Variants in TRDN observed in about 807,000 individuals in gnomAD.
TRDN encodes the protein triadin.
Under a neutral mutation model 149.7 loss-of-function variants are expected in TRDN, and 161 were observed. The observed-to-expected ratio is 1.08, with a 90% CI of 0.95 to 1.23. The LOEUF is 1.23. Ranked by LOEUF, TRDN falls within the 50% of genes most tolerant of loss-of-function variation. The pLI is 0.00. For synonymous variants in TRDN, 294 were observed against 250.5 expected (o/e 1.17, Z -1.64); for missense variants, 896 against 823.5 (o/e 1.09, Z -1.08).
At chr6:123,391,972 G>A (rs1772495283) in intron 13 of TRDN, among the ~76,000 whole-genome samples, 1 of 152,152 alleles carries the variant, frequency 6.6e-6, no homozygotes, top group East Asian at 1.9e-4. Flanking sequence ...ATCTATGGAG[G>A]ATTTGCAAAG....
At chr6:123,225,868 T>A (rs1224835183) in intron 38 of TRDN, among the ~76,000 whole-genome samples, 1 of 151,754 alleles carries the variant, frequency 6.6e-6, no homozygotes, top group Non-Finnish European at 1.5e-5. Flanking sequence ...TAATGCAATA[T>A]AACGGAATGA....
chr6:123,593,824 C>A, intron 1 of TRDN, among the ~76,000 whole-genome samples: 1 of 152,122 alleles, frequency 6.6e-6, no homozygotes, highest in East Asian at 1.9e-4. Flanking sequence ...CAACCTATGA[C>A]AAATGTTATA....
chr6:123,606,642 A>G (rs1784541409), intron 1 of TRDN, among the ~76,000 whole-genome samples: 1 of 152,152 alleles, frequency 6.6e-6, no homozygotes, highest in Admixed American at 6.6e-5. Flanking sequence ...TTCCTGATAT[A>G]TAAATGTGTC....
intron 1 of TRDN, among the ~76,000 whole-genome samples, chr6:123,610,891 A>C (rs1784774580): frequency 6.6e-6 from 1 of 152,212 alleles, no homozygotes; most frequent in African/African-American, 2.4e-5. Flanking sequence ...CAGATCCTAA[A>C]AATGTGCCAC....
chr6:123,530,407 A>G (rs1423630311), intron 5 of TRDN, 99 bp downstream of exon 5: 3 of 693,082 alleles, frequency 4.3e-6, no homozygotes, highest in African/African-American at 1.8e-5. Context: ...TTTAATATCA[A>G]AAATGTTACA....
At chr6:123,328,366 A>T (rs1438903578) in intron 23 of TRDN, among the ~76,000 whole-genome samples, 1 of 151,976 alleles carries the variant, frequency 6.6e-6, no homozygotes, top group East Asian at 1.9e-4. Flanking sequence ...ATGACCACAC[A>T]CCCCCAACCA....
At chr6:123,507,336 G>A (rs990229880) in intron 7 of TRDN, among the ~76,000 whole-genome samples, 1 of 151,634 alleles carries the variant, frequency 6.6e-6, no homozygotes, top group African/African-American at 2.4e-5. Context: ...TTTATAAGTG[G>A]GCAATGATTA....
chr6:123,361,662 A>T (rs12111491), intron 20 of TRDN, among the ~76,000 whole-genome samples: 12,736 of 152,118 alleles, frequency 0.084, 1,762 homozygotes, highest in African/African-American at 0.29. Flanking sequence ...GTCACCCTTT[A>T]GGGTTTTTGG....
At chr6:123,574,441 A>C (rs1294812303) in intron 1 of TRDN, among the ~76,000 whole-genome samples, 2 of 151,918 alleles carry the variant, frequency 1.3e-5, no homozygotes, top group African/African-American at 4.8e-5. Flanking sequence ...CATCACTCCT[A>C]ATGGTAGTTC....
chr6:123,462,530 C>T (rs1047526710), intron 10 of TRDN, among the ~76,000 whole-genome samples: 8 of 151,962 alleles, frequency 5.3e-5, no homozygotes, highest in African/African-American at 1.9e-4. Flanking sequence ...TTTCTAGTCT[C>T]CTGTGAACAA....
chr6:123,612,223 G>A (rs1483838404), intron 1 of TRDN, among the ~76,000 whole-genome samples: 17 of 121,896 alleles, frequency 1.4e-4, no homozygotes, highest in Admixed American at 1.1e-4. Context: ...GGTGAAACCC[G>A]GTCTCTACTA....
At chr6:123,245,048 G>C (rs1005677705) in intron 38 of TRDN, among the ~76,000 whole-genome samples, 4 of 152,156 alleles carry the variant, frequency 2.6e-5, no homozygotes, top group Admixed American at 1.3e-4. Flanking sequence ...CAAATGCTGA[G>C]GGATTTTGTC....
intron 5 of TRDN, among the ~76,000 whole-genome samples, chr6:123,523,507 G>A (rs1779789928): frequency 6.6e-6 from 1 of 152,056 alleles, no homozygotes; most frequent in Non-Finnish European, 1.5e-5. Context: ...CTTAGCACTG[G>A]GGCACCAACA....
chr6:123,584,809 G>C (rs1481561643), intron 1 of TRDN, among the ~76,000 whole-genome samples: 58 of 152,248 alleles, frequency 3.8e-4, no homozygotes, highest in African/African-American at 1.1e-3. Context: ...ATTGTGGAGG[G>C]AGGTATTGAG....
At chr6:123,365,316 G>C (rs1781051568) in intron 20 of TRDN, among the ~76,000 whole-genome samples, 1 of 151,312 alleles carries the variant, frequency 6.6e-6, no homozygotes, top group African/African-American at 2.5e-5. Flanking sequence ...AATTTATAGA[G>C]TAGCTAACAT....
chr6:123,568,288 T>TAACA (rs1358291905), intron 2 of TRDN, among the ~76,000 whole-genome samples: 1 of 152,202 alleles, frequency 6.6e-6, no homozygotes, highest in African/African-American at 2.4e-5. Context: ...CTCTCACACA[T>TAACA]TGTTGAGTGC....
Position 123,594,909 on chromosome 6 carries a change from C to T in TRDN, c.23-23777G>A, listed in dbSNP as rs116515033. 4.6e-3 allele frequency among the ~76,000 whole-genome samples: 691 copies of T among 149,668 alleles called. 7 individuals carry two copies. Among genetic ancestry groups the T allele is most frequent in the African/African-American group, 0.016 (635 of 40,818 alleles). ...TAGCAAGAAGGCCTGATATTTGAAA[C>T]GAAAAGCAAACAAGCAAGTGAAAAA... On this transcript the variant is annotated intron_variant, in intron 1 of 40. Coordinates refer to ENST00000334268, the MANE Select transcript of TRDN (RefSeq NM_006073.4).
At position 123,259,605 on chromosome 6, in the gene TRDN, C is replaced by A. The variant is rs1776689216; in HGVS notation, c.1870+19G>T. ...TTTGTGGCTAATTTGATGTATATGTCTTAAAATGTCATTTTTACCTTTACT... is the reference window on the plus strand; with the variant it reads ...TTTGTGGCTAATTTGATGTATATGTATTAAAATGTCATTTTTACCTTTACT... On this transcript the variant is annotated intron_variant, in intron 35 of 40. Transcript: ENST00000334268. 1.4e-6 allele frequency: 2 copies of A among 1,452,728 alleles called. No homozygotes were observed. Among genetic ancestry groups the A allele is most frequent in the Non-Finnish European group, 1.9e-6 (2 of 1,070,960 alleles). 90.0% of individuals were successfully genotyped at this position (1,452,728 alleles called of 1,614,324 possible). A position where few individuals can be genotyped will look rare whatever the true frequency, so the allele number is the denominator to read the frequency against.
rs74955830 is a variant in TRDN at position 123,522,345 on chromosome 6, A to C, written c.485-6139T>G. 3.2e-4 allele frequency among the ~76,000 whole-genome samples: 48 copies of C among 152,248 alleles called. No homozygotes were observed. The East Asian group carries it at 7.3e-3, about 23-fold the overall frequency. ...CTACAAGTAAATTGACATGTCTATT[A>C]GTTAAATAGAAGCCGAAATCTTATC... On this transcript the variant is annotated intron_variant, in intron 5 of 40. Transcript: ENST00000334268.
Sources: gnomAD v4.1 joint callset for allele counts (sites outside exome capture counted in the v4.1 genomes callset) on GRCh38, gnomAD v4.1.1 for gene constraint, MANE v1.5 for transcripts, NCBI Gene and HGNC (gene_info 2026-07-23, HGNC 2026-07-21) for gene names.